The following PTPRD variants were observed in gnomAD, a reference collection of about 807,000 sequenced individuals.
PTPRD encodes the protein protein tyrosine phosphatase receptor type D.
In PTPRD, 34 loss-of-function variants were observed where a neutral mutation model predicts 214.5. The observed-to-expected ratio is 0.16, with a 90% CI of 0.12 to 0.21. PTPRD has a LOEUF of 0.21. Among genes scored for constraint, PTPRD ranks in the 10% least tolerant of loss-of-function variants. The pLI, the probability that PTPRD is intolerant of heterozygous loss-of-function variation, is 1.00. For missense variants in PTPRD, 2,545 were observed against 2,398.7 expected, an observed-to-expected ratio of 1.06 and a Z score of -1.27; for synonymous variants, 1,128 against 845.7, an observed-to-expected ratio of 1.33 and a Z score of -5.79.
At chr9:10,205,694 C>T (rs1391868931) in intron 3 of PTPRD, among the ~76,000 whole-genome samples, 1 of 152,214 alleles carries the variant, frequency 6.6e-6, no homozygotes, top group East Asian at 1.9e-4. Context: ...CATGAGCCAC[C>T]ATGCCCGGCC....
At chr9:8,575,344 G>A (rs2092164804) in intron 14 of PTPRD, among the ~76,000 whole-genome samples, 2 of 151,942 alleles carry the variant, frequency 1.3e-5, no homozygotes, top group Non-Finnish European at 2.9e-5. Flanking sequence ...GTCCCTAACC[G>A]CTTACTTCAA....
At chr9:8,691,029 T>G (rs1419170127) in intron 12 of PTPRD, among the ~76,000 whole-genome samples, 3 of 152,120 alleles carry the variant, frequency 2.0e-5, no homozygotes. Context: ...AAGAAAAAAT[T>G]ATCTTTCTCT....
chr9:10,401,415 C>T (rs1471272006), intron 2 of PTPRD, among the ~76,000 whole-genome samples: 1 of 151,124 alleles, frequency 6.6e-6, no homozygotes, highest in Non-Finnish European at 1.5e-5. Flanking sequence ...ACATGTCTTT[C>T]CAATGGGCAG....
At chr9:9,501,162 T>C (rs956064758) in intron 8 of PTPRD, among the ~76,000 whole-genome samples, 3 of 151,952 alleles carry the variant, frequency 2.0e-5, no homozygotes, top group African/African-American at 7.2e-5. Flanking sequence ...ATATGAATAA[T>C]TACTTGAAAT....
chr9:9,567,242 T>C (rs956617808), intron 8 of PTPRD, among the ~76,000 whole-genome samples: 1 of 151,520 alleles, frequency 6.6e-6, no homozygotes, highest in Non-Finnish European at 1.5e-5. Context: ...AATGCAGAGA[T>C]GATTGATTGT....
At chr9:9,413,100 CTTTTTTTTTT>C (rs5896325) in intron 8 of PTPRD, among the ~76,000 whole-genome samples, 24 of 63,018 alleles carry the variant, frequency 3.8e-4, no homozygotes, top group African/African-American at 1.0e-3. Flanking sequence ...CTTGCAGCTT[CTTTTTTTTTT>C]TTTTTTTTTT....
intron 11 of PTPRD, among the ~76,000 whole-genome samples, chr9:8,759,621 T>G (rs1026534847): frequency 1.7e-5 from 2 of 117,520 alleles, no homozygotes; most frequent in African/African-American, 5.0e-5. Context: ...ATTTCTTTTT[T>G]TTTTTTTTTT....
intron 2 of PTPRD, among the ~76,000 whole-genome samples, chr9:10,544,741 A>G (rs2059841680): frequency 6.6e-6 from 1 of 152,212 alleles, no homozygotes. Context: ...TACTGAACAA[A>G]TGCAGCTTGA....
At chr9:8,714,945 AT>A (rs558196213) in intron 12 of PTPRD, among the ~76,000 whole-genome samples, 165 of 146,738 alleles carry the variant, frequency 1.1e-3, no homozygotes, top group South Asian at 2.4e-3. Flanking sequence ...ATGGTGCAAG[AT>A]TTTTTTTTTT....
chr9:9,876,851 A>G (rs80071110), intron 5 of PTPRD, among the ~76,000 whole-genome samples: 9,166 of 152,266 alleles, frequency 0.06, 870 homozygotes, highest in African/African-American at 0.2. Flanking sequence ...TCATGTTTTT[A>G]TGACAAACTG....
intron 14 of PTPRD, among the ~76,000 whole-genome samples, chr9:8,597,404 T>C (rs1405813636): frequency 1.3e-5 from 2 of 152,106 alleles, no homozygotes; most frequent in African/African-American, 2.4e-5. Flanking sequence ...CTACTTTGGC[T>C]TTTTTTAAAA....
intron 8 of PTPRD, among the ~76,000 whole-genome samples, chr9:9,548,065 T>G (rs1187622494): frequency 1.3e-5 from 2 of 151,688 alleles, no homozygotes; most frequent in East Asian, 3.9e-4. Flanking sequence ...TAAAATGAAG[T>G]TGAAATAAAG....
chr9:9,521,477 C>G (rs2096970772), intron 8 of PTPRD, among the ~76,000 whole-genome samples: 1 of 152,278 alleles, frequency 6.6e-6, no homozygotes, highest in Non-Finnish European at 1.5e-5. Flanking sequence ...GGTATATCAT[C>G]TGCATCTTGA....
chr9:9,732,349 A>C (rs990135662), intron 7 of PTPRD, among the ~76,000 whole-genome samples: 2 of 152,132 alleles, frequency 1.3e-5, no homozygotes, highest in Non-Finnish European at 2.9e-5. Flanking sequence ...TTAAAAAACA[A>C]ACAAACAAAC....
intron 7 of PTPRD, among the ~76,000 whole-genome samples, chr9:9,658,829 C>T (rs945113055): frequency 1.3e-5 from 2 of 152,016 alleles, no homozygotes; most frequent in African/African-American, 4.8e-5. Context: ...ATTGTCACAA[C>T]AATTCTTGGT....
At chr9:10,281,639 G>A (rs1405267951) in intron 3 of PTPRD, among the ~76,000 whole-genome samples, 2 of 152,020 alleles carry the variant, frequency 1.3e-5, no homozygotes, top group Non-Finnish European at 2.9e-5. Flanking sequence ...TTTAGACTGA[G>A]CTAGTAATAG....
At chr9:10,351,308 C>G (rs578230953) in intron 2 of PTPRD, among the ~76,000 whole-genome samples, 13 of 152,138 alleles carry the variant, frequency 8.5e-5, no homozygotes, top group African/African-American at 3.1e-4. Context: ...TTTAAAATAG[C>G]TGAACCCTGT....
intron 7 of PTPRD, among the ~76,000 whole-genome samples, chr9:9,696,438 C>T (rs1200400536): frequency 6.6e-6 from 1 of 152,078 alleles, no homozygotes; most frequent in African/African-American, 2.4e-5. Flanking sequence ...CAGTCTAGCT[C>T]TCCTTTTAGA....
intron 4 of PTPRD, among the ~76,000 whole-genome samples, chr9:10,009,515 G>C (rs937897928): frequency 1.3e-5 from 2 of 151,942 alleles, no homozygotes; most frequent in Non-Finnish European, 2.9e-5. Flanking sequence ...AGAAGCAATA[G>C]AAAGGAGTGT....
Sources: allele counts gnomAD v4.1 joint callset (sites outside exome capture counted in the v4.1 genomes callset), GRCh38; gene constraint gnomAD v4.1.1; transcripts MANE v1.5; gene names NCBI Gene and HGNC (gene_info 2026-07-23, HGNC 2026-07-21).